BCAS3: variants seen among roughly 807,000 people sequenced by gnomAD.
The protein encoded by BCAS3 is BCAS3 microtubule associated cell migration factor.
A neutral mutation model predicts 116.1 loss-of-function variants in BCAS3; 53 were observed. That is an observed-to-expected ratio of 0.46 (90% CI 0.37 to 0.57). The LOEUF (loss-of-function observed/expected upper bound fraction) is 0.57. Ranked by LOEUF, BCAS3 falls within the 20% of genes least tolerant of loss-of-function variation. BCAS3 has a pLI of 0.00. For missense variants in BCAS3, 917 were observed against 1,165.4 expected (o/e 0.79, Z 3.10); for synonymous variants, 391 against 408.2 (o/e 0.96, Z 0.51).
chr17:60,726,629 C>T (rs1379470876), intron 5 of BCAS3, among the ~76,000 whole-genome samples: 1 of 151,986 alleles, frequency 6.6e-6, no homozygotes, highest in Non-Finnish European at 1.5e-5. Context: ...CCTGCCTCAG[C>T]CTCCCGAGTA....
Position 61,151,424 on chromosome 17 carries a change from G to A in BCAS3, c.2425+66860G>A, listed in dbSNP as rs185706786. Among the ~76,000 whole-genome samples the A allele has an allele frequency of 3.9e-4, 58 of 149,680 alleles. No individual in the cohort carries two copies. The East Asian group carries it at 9.4e-3, about 24-fold the overall frequency. On this transcript the variant is annotated intron_variant, in intron 22 of 23. Transcript: ENST00000407086. The surrounding 1 kb of genome is among the most constrained non-coding windows in gnomAD (Gnocchi z 4.8). ...TTTTTTTAACCTGTTAAGGTCTTCCGCAAATTCCTGCATTGCTTCTAATCT... is the reference window on the plus strand; with the variant it reads ...TTTTTTTAACCTGTTAAGGTCTTCCACAAATTCCTGCATTGCTTCTAATCT...
intron 22 of BCAS3, among the ~76,000 whole-genome samples, chr17:61,159,664 G>A (rs2078051342): frequency 6.6e-6 from 1 of 152,144 alleles, no homozygotes; most frequent in Non-Finnish European, 1.5e-5. Flanking sequence ...CTTTTCAGAG[G>A]CCTGGAGAGG....
chr17:60,944,674 G>A (rs957152835), intron 13 of BCAS3, among the ~76,000 whole-genome samples: 24 of 152,002 alleles, frequency 1.6e-4, no homozygotes, highest in Non-Finnish European at 2.8e-4. Flanking sequence ...AAAGGATTTT[G>A]ACCAAACGAG....
chr17:60,888,909 G>A (rs1288841698), intron 9 of BCAS3, among the ~76,000 whole-genome samples: 1 of 152,152 alleles, frequency 6.6e-6, no homozygotes, highest in Non-Finnish European at 1.5e-5. Flanking sequence ...CTGTGTACTG[G>A]AAGTGACAGT....
At chr17:60,921,369 G>A (rs7225051) in intron 12 of BCAS3, among the ~76,000 whole-genome samples, 1 of 151,846 alleles carries the variant, frequency 6.6e-6, no homozygotes. Flanking sequence ...ACCACACCAC[G>A]TTGGGAGGCC....
rs554950674 is a variant in BCAS3, at chr17:61,017,094, A to AT, written c.1637+1200dup. On this transcript the variant is annotated intron_variant, in intron 16 of 23. Transcript: ENST00000407086. This position sits in a 1 kb window ranked among gnomAD's most constrained non-coding sequence, Gnocchi z 4.7. The stretch of plus-strand genomic sequence containing the variant: ...ATAATTTGGTCTGTATATCTTTTTA[A>AT]TTTTTTTCAGCTTTTTAACTCCTTG... 2.6e-5 allele frequency: 4 copies of AT among 152,164 alleles called. No homozygotes were observed. In the South Asian group the frequency reaches 8.3e-4, roughly 32 times the overall value. 9.4% of individuals were successfully genotyped at this position (152,164 alleles called of 1,614,324 possible).
At chr17:60,761,420 T>C (rs2043518972) in intron 6 of BCAS3, among the ~76,000 whole-genome samples, 1 of 128,750 alleles carries the variant, frequency 7.8e-6, no homozygotes, top group South Asian at 2.1e-4. Flanking sequence ...TGTCCAAGTG[T>C]TCTCATTGTT....
chr17:60,951,779 T>TTC (rs2060846642), intron 14 of BCAS3, among the ~76,000 whole-genome samples: 1 of 145,540 alleles, frequency 6.9e-6, no homozygotes, highest in African/African-American at 2.6e-5. Context: ...TTTTTTTTTT[T>TTC]TTTTTTTCTT....
rs1044083013 is a variant in BCAS3 at position 61,226,483 on chromosome 17, C to T, written c.2426-141844C>T. On this transcript the variant is annotated intron_variant, in intron 22 of 23. Transcript: ENST00000407086. The surrounding 1 kb of genome is among the most constrained non-coding windows in gnomAD (Gnocchi z 6.0). ...TGCTTCTTAAAATATATTGAATACA[C>T]TTTGCTGTAGGACAGGGCCTAGCCC... Among the ~76,000 whole-genome samples, 2 of 152,154 alleles carry T rather than the reference C, an allele frequency of 1.3e-5. No individual in the cohort carries two copies. The highest frequency in any genetic ancestry group is 2.9e-5 in the Non-Finnish European group (2 of 68,038).
At chr17:60,689,822 C>A in intron 4 of BCAS3, 61 bp downstream of exon 4, 2 of 1,142,438 alleles carry the variant, frequency 1.8e-6, no homozygotes, top group Non-Finnish European at 2.6e-6. Flanking sequence ...TACCTGATTC[C>A]AAAAAGAGAG....
In BCAS3 at chr17:61,352,157, C is replaced by G. The variant is rs1303315237; in HGVS notation, c.2426-16170C>G. ...TAATTCCTTCGTTCAGCTGTTAGCC[C>G]TAACTCAGAGTTAGATGACAGGTCC... On this transcript the variant is annotated intron_variant, in intron 22 of 23. Coordinates refer to ENST00000407086, the MANE Select transcript of BCAS3 (RefSeq NM_017679.5). The surrounding 1 kb of genome is among the most constrained non-coding windows in gnomAD (Gnocchi z 4.7). 6.6e-6 allele frequency among the ~76,000 whole-genome samples: 1 copy of G among 152,210 alleles called. No homozygotes were observed. The highest frequency in any genetic ancestry group is 1.5e-5 in the Non-Finnish European group (1 of 68,046).
rs2058025060 is a variant in BCAS3 at position 61,354,152 on chromosome 17, AC to A, written c.2426-14174del. The A allele has an allele frequency of 6.6e-6, 1 of 152,192 alleles. No individual in the cohort carries two copies. Among genetic ancestry groups the A allele is most frequent in the Non-Finnish European group, 1.5e-5 (1 of 68,064 alleles). 9.4% of individuals were successfully genotyped at this position (152,192 alleles called of 1,614,324 possible). A position where few individuals can be genotyped will look rare whatever the true frequency, so the allele number is the denominator to read the frequency against. On this transcript the variant is annotated intron_variant, in intron 22 of 23. Transcript: ENST00000407086. The surrounding 1 kb of genome is among the most constrained non-coding windows in gnomAD (Gnocchi z 4.5). The stretch of plus-strand genomic sequence containing the variant: ...ACAGAAGGTCGCACAACCACCCTGG[AC>A]GGTGAGAAACTAAGGTGACTGAGGC...
At chr17:60,764,188 T>C (rs2043846722) in intron 6 of BCAS3, among the ~76,000 whole-genome samples, 1 of 151,974 alleles carries the variant, frequency 6.6e-6, no homozygotes, top group South Asian at 2.1e-4. Context: ...TTTGTGTCTC[T>C]ATCTCCTTCA....
intron 12 of BCAS3, among the ~76,000 whole-genome samples, chr17:60,914,192 G>T (rs2058660266): frequency 6.6e-6 from 1 of 152,172 alleles, no homozygotes; most frequent in African/African-American, 2.4e-5. Context: ...ATCCTACTGT[G>T]ATAAGTGGTG....
chr17:61,044,446 C>CAAA (rs1223902392), intron 19 of BCAS3, among the ~76,000 whole-genome samples: 35 of 82,808 alleles, frequency 4.2e-4, no homozygotes, highest in African/African-American at 1.4e-3. Flanking sequence ...GACTCTGTCT[C>CAAA]AAAAAAAAAA....
chr17:60,914,922 C>T (rs2058701690), intron 12 of BCAS3, among the ~76,000 whole-genome samples: 1 of 152,042 alleles, frequency 6.6e-6, no homozygotes, highest in African/African-American at 2.4e-5. Flanking sequence ...AAGTCATATG[C>T]AGATTTTCAG....
At chr17:60,831,002 G>T (rs1429567595) in intron 7 of BCAS3, among the ~76,000 whole-genome samples, 1 of 151,996 alleles carries the variant, frequency 6.6e-6, no homozygotes, top group African/African-American at 2.4e-5. Flanking sequence ...CTCCCTAGTA[G>T]CTGGGACTAC....
At chr17:61,303,765 G>A (rs1365768611) in intron 22 of BCAS3, among the ~76,000 whole-genome samples, 1 of 152,126 alleles carries the variant, frequency 6.6e-6, no homozygotes. Context: ...GCTGTACTGT[G>A]GTTTTCTGCT....
chr17:60,986,732 T>C (rs533441545), intron 14 of BCAS3: 1 of 152,348 alleles, frequency 6.6e-6, no homozygotes, highest in Admixed American at 6.5e-5. Context: ...TTTCTAGTTG[T>C]TAATCCCTTG....
Sources: gnomAD v4.1 joint callset for allele counts (sites outside exome capture counted in the v4.1 genomes callset) on GRCh38, gnomAD v4.1.1 for gene constraint, Gnocchi (gnomAD v3.1) non-coding constraint, MANE v1.5 for transcripts, NCBI Gene and HGNC (gene_info 2026-07-23, HGNC 2026-07-21) for gene names.